COL21A1: variants seen among roughly 807,000 people sequenced by gnomAD.
The protein encoded by COL21A1 is collagen alpha-1(XXI) chain.
In COL21A1, 149 loss-of-function variants were observed where a neutral mutation model predicts 137.9. The ratio of observed to expected loss-of-function variants is 1.08; its 90% CI spans 0.95 to 1.24. COL21A1 has a LOEUF of 1.24. Ranked by LOEUF, COL21A1 falls within the 50% of genes most tolerant of loss-of-function variation. COL21A1 has a pLI of 0.00. For missense variants in COL21A1, 1,167 were observed against 1,158.4 expected (o/e 1.01, Z -0.11); for synonymous variants, 456 against 391.5 (o/e 1.16, Z -1.95).
At chr6:56,238,370 C>G (rs557736553) in intron 1 of COL21A1, among the ~76,000 whole-genome samples, 2 of 146,766 alleles carry the variant, frequency 1.4e-5, no homozygotes, top group South Asian at 4.3e-4. Flanking sequence ...ATCTGGACTG[C>G]AGAAGCATGA....
At position 56,359,786 on chromosome 6, in the gene COL21A1, G is replaced by A. The variant is rs79293854; in HGVS notation, c.-39+34185C>T. ...CAGAGAGATCCTTTGCAAGATTGAT[G>A]TTCTATTATGTGAGTCTGAAAAGCA... is the stretch of plus-strand genomic sequence containing the variant. On this transcript the variant is annotated intron_variant, in intron 1 of 28. Transcript: ENST00000370819. Among the ~76,000 whole-genome samples the A allele has an allele frequency of 2.0e-4, 31 of 152,256 alleles. No homozygotes were observed. The East Asian group carries it at 5.4e-3, about 27-fold the overall frequency.
At chr6:56,216,132 G>A (rs1780467038) in intron 1 of COL21A1, among the ~76,000 whole-genome samples, 1 of 151,918 alleles carries the variant, frequency 6.6e-6, no homozygotes, top group South Asian at 2.1e-4. Context: ...TTTCTCTGAT[G>A]GCTTCTCTTG....
intron 17 of COL21A1, among the ~76,000 whole-genome samples, chr6:56,088,403 T>C (rs544040264): frequency 4.9e-4 from 74 of 152,312 alleles, no homozygotes; most frequent in African/African-American, 1.8e-3. Context: ...CATATTTGTG[T>C]CTATTAGTAT....
At chr6:56,270,419 A>C (rs1405294935) in intron 1 of COL21A1, among the ~76,000 whole-genome samples, 3 of 152,212 alleles carry the variant, frequency 2.0e-5, no homozygotes, top group African/African-American at 7.2e-5. Flanking sequence ...TTCACAAAAC[A>C]AGTTCCTCTT....
In COL21A1 at chr6:56,077,512, C is replaced by A; in HGVS notation, c.1857+17G>T. The A allele has an allele frequency of 6.4e-7, 1 of 1,555,584 alleles. No homozygotes were observed. Among genetic ancestry groups the A allele is most frequent in the Non-Finnish European group, 8.7e-7 (1 of 1,143,446 alleles). ...TGAGCAGATCCAGGCCCAAAGCTAA[C>A]TCTCATGAATACTTACCTTTTGGCC... On this transcript the variant is annotated intron_variant, in intron 18 of 29. Coordinates refer to ENST00000244728, the MANE Select transcript of COL21A1 (RefSeq NM_030820.4).
chr6:56,099,302 C>T (rs1426774180), intron 17 of COL21A1, among the ~76,000 whole-genome samples: 1 of 145,054 alleles, frequency 6.9e-6, no homozygotes, highest in African/African-American at 2.6e-5. Context: ...GGCGCCATCT[C>T]GGCTCACTGC....
intron 3 of COL21A1, among the ~76,000 whole-genome samples, chr6:56,173,961 T>C (rs543235011): frequency 6.6e-6 from 1 of 152,268 alleles, no homozygotes; most frequent in South Asian, 2.1e-4. Context: ...CATGTCTTAT[T>C]TAAGAAGGCT....
Position 56,126,082 on chromosome 6 carries a change from C to T in COL21A1, c.1596+14G>A. The T allele has an allele frequency of 6.6e-7, 1 of 1,517,660 alleles. No individual in the cohort carries two copies. The highest frequency in any genetic ancestry group is 8.9e-7 in the Non-Finnish European group (1 of 1,123,864). The allele number at this position is 1,517,660 out of a possible 1,614,324, so 94.0% of individuals were successfully genotyped here. A position where few individuals can be genotyped will look rare whatever the true frequency, so the allele number is the denominator to read the frequency against. ...ATGGCTTTGCTATATTTAAAAGAAACAGATTTCTTCAACCTTTGATCCTGG... is the reference window on the plus strand; with the variant it reads ...ATGGCTTTGCTATATTTAAAAGAAATAGATTTCTTCAACCTTTGATCCTGG... On this transcript the variant is annotated intron_variant, in intron 13 of 29. Coordinates refer to ENST00000244728, the MANE Select transcript of COL21A1 (RefSeq NM_030820.4).
At chr6:56,258,198 T>C (rs1412041719) in intron 1 of COL21A1, among the ~76,000 whole-genome samples, 1 of 152,168 alleles carries the variant, frequency 6.6e-6, no homozygotes, top group Non-Finnish European at 1.5e-5. Flanking sequence ...TTTTTAGCAA[T>C]AACTTTTAAA....
intron 10 of COL21A1, among the ~76,000 whole-genome samples, chr6:56,147,357 G>GT (rs1235551952): frequency 1.4e-5 from 2 of 147,172 alleles, no homozygotes; most frequent in Non-Finnish European, 3.0e-5. Context: ...TTGGGGGGTT[G>GT]TTTTTTGCTT....
At chr6:56,258,569 C>T (rs775639317) in intron 1 of COL21A1, among the ~76,000 whole-genome samples, 1 of 152,192 alleles carries the variant, frequency 6.6e-6, no homozygotes, top group Admixed American at 6.5e-5. Context: ...TGCTCTGCCC[C>T]TCTAACTTTA....
rs56916905 is a variant in COL21A1, at chr6:56,179,452, T to C, written c.640+126A>G. 4.3e-6 allele frequency: 3 copies of C among 690,304 alleles called. No homozygotes were observed. The South Asian group carries it at 6.4e-5, about 15-fold the overall frequency. 42.8% of individuals were successfully genotyped at this position (690,304 alleles called of 1,614,324 possible). A position where few individuals can be genotyped will look rare whatever the true frequency, so the allele number is the denominator to read the frequency against. On this transcript the variant is annotated intron_variant, in intron 3 of 29. Transcript: ENST00000244728. ...TATAACATTTATAACATTATAAATG[T>C]TGTAACATTATAATTGACATTAAAT...
chr6:56,365,353 G>A (rs566090223), intron 1 of COL21A1, among the ~76,000 whole-genome samples: 1 of 152,084 alleles, frequency 6.6e-6, no homozygotes, highest in African/African-American at 2.4e-5. Flanking sequence ...GGCTAGACAA[G>A]GAAGAAAAGC....
At chr6:56,289,894 C>T (rs1388913897) in intron 1 of COL21A1, among the ~76,000 whole-genome samples, 2 of 151,990 alleles carry the variant, frequency 1.3e-5, no homozygotes, top group Non-Finnish European at 2.9e-5. Context: ...TTTGGTTTTC[C>T]TGCCCAGCCC....
At chr6:56,204,151 G>A (rs1002366972) in intron 1 of COL21A1, among the ~76,000 whole-genome samples, 8 of 152,176 alleles carry the variant, frequency 5.3e-5, no homozygotes, top group African/African-American at 1.9e-4. Context: ...CACTCCCCTG[G>A]AAAGGGGGCG....
chr6:56,182,063 G>A (rs1228165022), intron 2 of COL21A1, among the ~76,000 whole-genome samples: 1 of 152,070 alleles, frequency 6.6e-6, no homozygotes, highest in African/African-American at 2.4e-5. Flanking sequence ...AAAAAAAAGT[G>A]TGCTATCTCT....
At chr6:56,222,714 G>C (rs548667857) in intron 1 of COL21A1, among the ~76,000 whole-genome samples, 1 of 151,934 alleles carries the variant, frequency 6.6e-6, no homozygotes, top group Non-Finnish European at 1.5e-5. Context: ...TTTCAGCCTA[G>C]AGGATTTTCA....
At position 56,176,034 on chromosome 6, in the gene COL21A1, G is replaced by A. The variant is rs576229007; in HGVS notation, c.640+3544C>T. Among the ~76,000 whole-genome samples the A allele has an allele frequency of 8.5e-5, 13 of 152,130 alleles. No individual in the cohort carries two copies. In the South Asian group the frequency reaches 2.7e-3, roughly 32 times the overall value. Reference sequence around the variant, plus strand: ...TGGTAAGACTGCCCGACGGGGAAAGGATCTCTTCAATCAATAGTGCTGGGA... The same window carrying A: ...TGGTAAGACTGCCCGACGGGGAAAGAATCTCTTCAATCAATAGTGCTGGGA... On this transcript the variant is annotated intron_variant, in intron 3 of 29. Transcript: ENST00000244728.
At chr6:56,193,294 A>G (rs888767090) in intron 1 of COL21A1, among the ~76,000 whole-genome samples, 1 of 152,222 alleles carries the variant, frequency 6.6e-6, no homozygotes, top group Non-Finnish European at 1.5e-5. Context: ...GATATATCCC[A>G]GAACTTAAAG....
Sources: gnomAD v4.1 joint callset for allele counts (sites outside exome capture counted in the v4.1 genomes callset) on GRCh38, gnomAD v4.1.1 for gene constraint, MANE v1.5 for transcripts, NCBI Gene and HGNC (gene_info 2026-07-23, HGNC 2026-07-21) for gene names.